Variants in GRM7 observed in about 807,000 individuals in gnomAD.
The protein encoded by GRM7 is glutamate metabotropic receptor 7, also known as metabotropic glutamate receptor 7.
GRM7 carries 35 observed loss-of-function variants against 84.5 expected under a neutral mutation model. That is an observed-to-expected ratio of 0.41 (90% CI 0.32 to 0.55). The LOEUF is 0.55. Ranked by LOEUF, GRM7 falls within the 20% of genes least tolerant of loss-of-function variation. The probability of loss-of-function intolerance (pLI) is 0.19; values close to 1 mark genes in which losing one functional copy is unlikely to be tolerated. For synonymous variants in GRM7, 487 were observed against 455.1 expected, an observed-to-expected ratio of 1.07 and a Z score of -0.89; for missense variants, 1,003 against 1,194.6, an observed-to-expected ratio of 0.84 and a Z score of 2.36.
intron 1 of GRM7, among the ~76,000 whole-genome samples, chr3:7,058,481 A>T (rs28459990): frequency 0.025 from 3,787 of 151,914 alleles, 141 homozygotes; most frequent in African/African-American, 0.085. Flanking sequence ...GTTGATGTCA[A>T]TATTTGATTG....
At chr3:7,110,816 G>T (rs747382589) in intron 1 of GRM7, among the ~76,000 whole-genome samples, 1 of 151,996 alleles carries the variant, frequency 6.6e-6, no homozygotes, top group Non-Finnish European at 1.5e-5. Context: ...CAACATCAAG[G>T]TTTGACAAGA....
intron 8 of GRM7, among the ~76,000 whole-genome samples, chr3:7,672,681 T>C (rs1699968364): frequency 6.7e-6 from 1 of 149,656 alleles, no homozygotes; most frequent in Non-Finnish European, 1.5e-5. Flanking sequence ...CTCAGCTCAC[T>C]GCAAGCTCCG....
chr3:7,457,449 A>T (rs575996002), intron 6 of GRM7, among the ~76,000 whole-genome samples: 2 of 152,322 alleles, frequency 1.3e-5, no homozygotes, highest in African/African-American at 4.8e-5. Context: ...ATATAAATTT[A>T]AGTAATTTGG....
At chr3:7,219,962 T>A (rs550926739) in intron 2 of GRM7, among the ~76,000 whole-genome samples, 1 of 152,330 alleles carries the variant, frequency 6.6e-6, no homozygotes, top group South Asian at 2.1e-4. Context: ...CTAAAGGTTC[T>A]TAATGTCCAA....
At chr3:7,110,376 G>A (rs1165318341) in intron 1 of GRM7, among the ~76,000 whole-genome samples, 2 of 152,094 alleles carry the variant, frequency 1.3e-5, no homozygotes, top group Non-Finnish European at 2.9e-5. Context: ...CAAGGTGGGT[G>A]TATCACTTCA....
intron 8 of GRM7, among the ~76,000 whole-genome samples, chr3:7,593,844 G>A (rs1195611722): frequency 6.6e-6 from 1 of 151,986 alleles, no homozygotes; most frequent in Non-Finnish European, 1.5e-5. Context: ...AAACTGTGGA[G>A]AAGCAAGAGT....
intron 1 of GRM7, among the ~76,000 whole-genome samples, chr3:7,099,116 A>G (rs759799753): frequency 6.6e-5 from 10 of 151,516 alleles, no homozygotes; most frequent in Admixed American, 6.6e-4. Flanking sequence ...GATTGAATCA[A>G]TGATTGAATG....
intron 4 of GRM7, among the ~76,000 whole-genome samples, chr3:7,409,808 G>T (rs1039805802): frequency 1.3e-5 from 2 of 152,024 alleles, no homozygotes; most frequent in Non-Finnish European, 2.9e-5. Flanking sequence ...CACCATGTTG[G>T]CCAGGATGGT....
chr3:7,065,756 A>G (rs1018598232), intron 1 of GRM7, among the ~76,000 whole-genome samples: 2 of 151,758 alleles, frequency 1.3e-5, no homozygotes, highest in Non-Finnish European at 2.9e-5. Context: ...TGGAGATTGC[A>G]TTGAATTTGT....
At chr3:7,162,589 A>G (rs569907218) in intron 2 of GRM7, among the ~76,000 whole-genome samples, 1 of 152,188 alleles carries the variant, frequency 6.6e-6, no homozygotes, top group African/African-American at 2.4e-5. Flanking sequence ...AATTGGTAAT[A>G]GTGAATAGAC....
chr3:7,297,655 C>CTAGAAGCT (rs1476445217), intron 2 of GRM7, among the ~76,000 whole-genome samples: 1 of 152,102 alleles, frequency 6.6e-6, no homozygotes, highest in Non-Finnish European at 1.5e-5. Flanking sequence ...TTGTGGAAGT[C>CTAGAAGCT]TAGAAGCTTC....
chr3:7,318,016 A>G (rs998838433), intron 4 of GRM7, among the ~76,000 whole-genome samples: 2 of 152,080 alleles, frequency 1.3e-5, no homozygotes, highest in African/African-American at 2.4e-5. Context: ...GTAAAGGTGA[A>G]GTCTAAAATC....
chr3:7,240,020 C>A (rs1697489043), intron 2 of GRM7, among the ~76,000 whole-genome samples: 1 of 150,406 alleles, frequency 6.6e-6, no homozygotes, highest in Non-Finnish European at 1.5e-5. Context: ...CCATGCCCTA[C>A]TAGAGATAAT....
At chr3:7,333,072 TCATAA>T (rs1054337271) in intron 4 of GRM7, among the ~76,000 whole-genome samples, 12 of 152,058 alleles carry the variant, frequency 7.9e-5, no homozygotes, top group African/African-American at 2.9e-4. Context: ...TTATAGCAAC[TCATAA>T]CAGAACAACC....
At chr3:6,996,701 G>A (rs959490262) in intron 1 of GRM7, among the ~76,000 whole-genome samples, 2 of 152,028 alleles carry the variant, frequency 1.3e-5, no homozygotes, top group African/African-American at 4.8e-5. Flanking sequence ...AAAAGCAAAG[G>A]GTATCTTCCT....
chr3:7,326,570 G>A (rs1398849416), intron 4 of GRM7, among the ~76,000 whole-genome samples: 2 of 152,082 alleles, frequency 1.3e-5, no homozygotes, highest in African/African-American at 2.4e-5. Flanking sequence ...ACTGGGGGCT[G>A]GGCACAGTGG....
At chr3:7,459,065 G>A (rs1015877844) in intron 6 of GRM7, among the ~76,000 whole-genome samples, 9 of 152,150 alleles carry the variant, frequency 5.9e-5, no homozygotes, top group Admixed American at 2.6e-4. Flanking sequence ...CTTACACACA[G>A]CAGGCTTAAG....
intron 2 of GRM7, among the ~76,000 whole-genome samples, chr3:7,221,254 G>T (rs1462990204): frequency 6.6e-6 from 1 of 152,140 alleles, no homozygotes; most frequent in South Asian, 2.1e-4. Flanking sequence ...TAAACATTTG[G>T]TTTTTTGCTA....
At chr3:7,370,386 A>C (rs947008924) in intron 4 of GRM7, among the ~76,000 whole-genome samples, 3 of 152,092 alleles carry the variant, frequency 2.0e-5, no homozygotes, top group Admixed American at 2.0e-4. Flanking sequence ...TCTTCACCCA[A>C]ATCTCATCTT....
Sources: allele counts gnomAD v4.1 joint callset (sites outside exome capture counted in the v4.1 genomes callset), GRCh38; gene constraint gnomAD v4.1.1; transcripts MANE v1.5; gene names NCBI Gene and HGNC (gene_info 2026-07-23, HGNC 2026-07-21).